Variants in MAPK3 observed in about 807,000 individuals in gnomAD.
The protein encoded by MAPK3 is mitogen-activated protein kinase 3.
Under a neutral mutation model 41.8 loss-of-function variants are expected in MAPK3, and 30 were observed. The ratio of observed to expected loss-of-function variants is 0.72; its 90% CI spans 0.54 to 0.97. The LOEUF is 0.97. Ranked by LOEUF, MAPK3 falls within the 50% of genes least tolerant of loss-of-function variation. MAPK3 has a pLI of 0.00. For missense variants in MAPK3, 413 were observed against 509.9 expected, an observed-to-expected ratio of 0.81 and a Z score of 1.83; for synonymous variants, 222 against 213.4, an observed-to-expected ratio of 1.04 and a Z score of -0.35.
chr16:30,122,130 C>T, intron 1 of MAPK3, 124 bp from the exon 2 acceptor site: 1 of 882,274 alleles, frequency 1.1e-6, no homozygotes, highest in Non-Finnish European at 1.8e-6. Context: ...AAATCATAAA[C>T]AATGCTGGTT....
chr16:30,121,728 G>A, intron 2 of MAPK3, 96 bp downstream of exon 2: 3 of 1,267,378 alleles, frequency 2.4e-6, no homozygotes, highest in Non-Finnish European at 3.3e-6. Flanking sequence ...TGTTTTGGAG[G>A]GTGGTGGGTA....
chr16:30,118,802 G>C (rs2072986519), intron 2 of MAPK3, among the ~76,000 whole-genome samples: 1 of 152,088 alleles, frequency 6.6e-6, no homozygotes, highest in African/African-American at 2.4e-5. Context: ...GGGAAACGGG[G>C]ATAATAATAA....
In MAPK3 at chr16:30,117,782, G is replaced by T. The variant is rs61764216; in HGVS notation, c.663C>A (p.Gly221=). 61 of 1,611,292 alleles carry T rather than the reference G, an allele frequency of 3.8e-5. 1 individual carries two copies. In the Middle Eastern group the frequency reaches 2.5e-3, roughly 65 times the overall value. ...ACCAGATGTCGATGGACTTGGTATA[G>T]CCCTGGGGGAGAGGAGGAAGTGGTG... ...RAPEIMLNSK[G]YTKSIDIWSV... is the part of the protein sequence containing the mutation. Residue 221 remains glycine (G), a splice_region_variant and synonymous_variant, in exon 5 of 9, where the codon GGC becomes GGA. Coordinates refer to ENST00000263025, the MANE Select transcript of MAPK3 (RefSeq NM_002746.3).
Position 30,123,069 on chromosome 16 carries a change from G to A in MAPK3, c.141C>T (p.Tyr47=). 1 of 1,569,310 alleles carries A rather than the reference G, an allele frequency of 6.4e-7. No homozygotes were observed. The change falls in exon 1 of 9, where the codon TAC becomes TAT. Residue 47 remains tyrosine, a synonymous_variant. Transcript: ENST00000263025. ...DVGPRYTQLQ[Y]IGEGAYGMVS... ...CCATGCCGTACGCGCCCTCGCCGAT[G>A]TACTGCAACTGCGTGTAGCGCGGGC...
intron 2 of MAPK3, among the ~76,000 whole-genome samples, chr16:30,120,378 C>T (rs1257148768): frequency 1.4e-5 from 2 of 146,882 alleles, no homozygotes; most frequent in African/African-American, 2.5e-5. Flanking sequence ...TACAAATCCC[C>T]ACTCTTGGGT....
At chr16:30,116,259 G>A (rs546606154) in intron 8 of MAPK3, among the ~76,000 whole-genome samples, 2 of 151,200 alleles carry the variant, frequency 1.3e-5, no homozygotes, top group Admixed American at 6.6e-5. Context: ...GGCTGGTCTC[G>A]GACTCCTGAC....
chr16:30,121,948 C>T lies in MAPK3; in HGVS notation c.229G>A (p.Glu77Lys), dbSNP rs778826879. ...GTGCGCTGGCAGTAGGTCTGATGTT[C>T]GAAGGGGCTGATCTTCTTGATGGCC... ...RVAIKKISPF[E>K]HQTYCQRTLR... Residue 77 changes from glutamate (E) to lysine (K), a missense_variant, in exon 2 of 9, where the codon GAA becomes AAA. Physicochemically the swap from Glu to Lys is moderately conservative, Grantham distance 56. Coordinates refer to ENST00000263025, the MANE Select transcript of MAPK3 (RefSeq NM_002746.3). 7.4e-6 allele frequency: 12 copies of T among 1,614,056 alleles called. No individual in the cohort carries two copies. Among genetic ancestry groups the T allele is most frequent in the Non-Finnish European group, 1.0e-5 (12 of 1,180,054 alleles).
chr16:30,116,844 C>G (rs767728353), intron 7 of MAPK3, 50 bp downstream of exon 7: 2 of 1,612,822 alleles, frequency 1.2e-6, no homozygotes, highest in Non-Finnish European at 1.7e-6. Context: ...TGCCTACGTG[C>G]CCCCCTGCTC....
In MAPK3 at chr16:30,118,421, G is replaced by T; in HGVS notation, c.471C>A (p.Ile157=). ...CTCGGTGGAGCACGTTGGCGGAGTG[G>T]ATGTACTTGAGGCCCCGCAGGATCT... ...LYQILRGLKY[I]HSANVLHRDL... Residue 157 remains isoleucine (I), a synonymous_variant, in exon 3 of 9, where the codon ATC becomes ATA. Transcript: ENST00000263025. 1 of 1,606,742 alleles carries T rather than the reference G, an allele frequency of 6.2e-7. No homozygotes were observed. Among genetic ancestry groups the T allele is most frequent in the Non-Finnish European group, 8.5e-7 (1 of 1,177,174 alleles).
At chr16:30,116,542 G>C in intron 8 of MAPK3, 94 bp downstream of exon 8, 1 of 1,346,832 alleles carries the variant, frequency 7.4e-7, no homozygotes. Flanking sequence ...GCTTGCTGCT[G>C]TATGGAGGCA....
rs912617565 is a variant in MAPK3, at chr16:30,116,721, G to A, written c.1087C>T (p.Leu363Phe). 2 of 1,613,884 alleles carry A rather than the reference G, an allele frequency of 1.2e-6. No homozygotes were observed. The highest frequency in any genetic ancestry group is 3.3e-5 in the Admixed American group (2 of 60,018). ...AAGCGTGCTGTCTCCTGGAAGATGA[G>A]CTCCTTCAGCCGCTCCTTAGGTAGG... The part of the protein sequence containing the change: ...DDLPKERLKE[L>F]IFQETARFQP... The change falls in exon 8 of 9, where the codon CTC (leucine) becomes TTC (phenylalanine). Residue 363 changes from leucine (L) to phenylalanine (F), a missense_variant. By Grantham distance (22) the Leu-to-Phe change is conservative. Coordinates refer to ENST00000263025, the MANE Select transcript of MAPK3 (RefSeq NM_002746.3).
intron 2 of MAPK3, 128 bp downstream of exon 2, chr16:30,121,696 G>A: frequency 9.9e-7 from 1 of 1,005,314 alleles, no homozygotes; most frequent in South Asian, 1.6e-5. Flanking sequence ...CCCCTCTGCA[G>A]GAAAGTTTAT....
intron 8 of MAPK3, among the ~76,000 whole-genome samples, chr16:30,114,955 C>T (rs1022747410): frequency 2.6e-5 from 4 of 151,938 alleles, no homozygotes; most frequent in African/African-American, 4.8e-5. Flanking sequence ...AGAACTGTCT[C>T]GGCCGGGCAC....
Position 30,114,442 on chromosome 16 carries a change from A to G in MAPK3, c.*299T>C, listed in dbSNP as rs1208701925. On this transcript the variant is annotated 3_prime_UTR_variant, in exon 9 of 9. Coordinates refer to ENST00000263025, the MANE Select transcript of MAPK3 (RefSeq NM_002746.3). Reference sequence around the variant, plus strand: ...GGCAGCCAGAACCCTTCCATTCCAGAACTGCCAGAGACTGGGACGCTGGGG... The same window carrying G: ...GGCAGCCAGAACCCTTCCATTCCAGGACTGCCAGAGACTGGGACGCTGGGG... 1 of 152,636 alleles carries G rather than the reference A, an allele frequency of 6.6e-6. No individual in the cohort carries two copies. The highest frequency in any genetic ancestry group is 1.5e-5 in the Non-Finnish European group (1 of 68,222). The allele number at this position is 152,636 out of a possible 1,614,324, so 9.5% of individuals were successfully genotyped here.
At chr16:30,117,313 T>C (rs760316364) in intron 5 of MAPK3, 28 bp from the exon 6 acceptor site, 2 of 1,611,574 alleles carry the variant, frequency 1.2e-6, no homozygotes, top group Admixed American at 3.3e-5. Context: ...ACTTGGTAAA[T>C]GATCACCTCT....
intron 2 of MAPK3, among the ~76,000 whole-genome samples, chr16:30,121,514 T>C (rs984195867): frequency 1.3e-5 from 2 of 152,092 alleles, no homozygotes; most frequent in African/African-American, 4.8e-5. Flanking sequence ...AGAGGCCAGG[T>C]CATGTCTCAG....
At position 30,117,766 on chromosome 16, in the gene MAPK3, C is replaced by T. The variant is rs2072972785; in HGVS notation, c.679G>A (p.Asp227Asn). The change falls in exon 5 of 9, where the codon GAC (aspartate) becomes AAC (asparagine). Residue 227 changes from aspartate to asparagine, a missense_variant. Asp to Asn is a conservative substitution (Grantham distance 23). This residue lies in a region of MAPK3 where 140 missense variants were observed against 206.0 expected (regional missense o/e 0.68). Coordinates refer to ENST00000263025, the MANE Select transcript of MAPK3 (RefSeq NM_002746.3). Reference protein sequence around the residue: ...LNSKGYTKSIDIWSVGCILAE... With the variant: ...LNSKGYTKSINIWSVGCILAE... ...AGAATGCAGCCCACAGACCAGATGT[C>T]GATGGACTTGGTATAGCCCTGGGGG... The T allele has an allele frequency of 3.1e-6, 5 of 1,613,690 alleles. No individual in the cohort carries two copies. Among genetic ancestry groups the T allele is most frequent in the Non-Finnish European group, 4.2e-6 (5 of 1,179,808 alleles).
intron 3 of MAPK3, 40 bp from the exon 4 acceptor site, chr16:30,118,203 C>G (rs1020968665): frequency 1.9e-6 from 3 of 1,595,138 alleles, no homozygotes; most frequent in Non-Finnish European, 1.7e-6. Flanking sequence ...CGCTCAAGGC[C>G]TCTGCAGCCT....
chr16:30,123,172 T>TGCCCCCCCC lies in MAPK3; in HGVS notation c.37_38insGGGGGGGGC (p.Glu13delinsGlyGlyGlyGln). On this transcript the variant is annotated protein_altering_variant, in exon 1 of 9. Coordinates refer to ENST00000263025, the MANE Select transcript of MAPK3 (RefSeq NM_002746.3). ...GCCGACCCCCTCGGTTCTACGGGGC[T>TGCCCCCCCC]CCCCGCCCCCGCCCCCCTGAGCCGC... 7.6e-7 allele frequency: 1 copy of TGCCCCCCCC among 1,322,434 alleles called. No homozygotes were observed. Among genetic ancestry groups the TGCCCCCCCC allele is most frequent in the Non-Finnish European group, 1.0e-6 (1 of 991,938 alleles). 81.9% of individuals were successfully genotyped at this position (1,322,434 alleles called of 1,614,324 possible). A position where few individuals can be genotyped will look rare whatever the true frequency, so the allele number is the denominator to read the frequency against.
Sources: allele counts gnomAD v4.1 joint callset (sites outside exome capture counted in the v4.1 genomes callset), GRCh38; gene constraint gnomAD v4.1.1; regional missense constraint gnomAD v4.1.1; transcripts MANE v1.5; gene names NCBI Gene and HGNC (gene_info 2026-07-23, HGNC 2026-07-21).